Variants in DYTN observed in about 807,000 individuals in gnomAD.
DYTN encodes the protein dystrotelin.
In DYTN, 75 loss-of-function variants were observed where a neutral mutation model predicts 69.6. That is an observed-to-expected ratio of 1.08 (90% CI 0.89 to 1.31). The LOEUF is 1.31. Among genes scored for constraint, DYTN ranks in the 50% most tolerant of loss-of-function variants. The pLI is 0.00. For synonymous variants in DYTN, 252 were observed against 249.1 expected (o/e 1.01, Z -0.11); for missense variants, 726 against 688.4 (o/e 1.05, Z -0.61).
chr2:206,694,079 G>C (rs550603763), intron 8 of DYTN, among the ~76,000 whole-genome samples: 1 of 152,224 alleles, frequency 6.6e-6, no homozygotes, highest in Non-Finnish European at 1.5e-5. Flanking sequence ...TGTGGTATTT[G>C]AGGAGGTTGC....
rs924274267 is a variant in DYTN at position 206,704,961 on chromosome 2, A to G, written c.383-18T>C. On this transcript the variant is annotated intron_variant, in intron 4 of 11. Coordinates refer to ENST00000452335, the MANE Select transcript of DYTN (RefSeq NM_001093730.1). ...AAAAAGAGCTAGACATGTAGGAGGAACAATCTTTAAATTGAATACTTGCAA... is the reference window on the plus strand; with the variant it reads ...AAAAAGAGCTAGACATGTAGGAGGAGCAATCTTTAAATTGAATACTTGCAA... 1 of 1,597,090 alleles carries G rather than the reference A, an allele frequency of 6.3e-7. No individual in the cohort carries two copies. Among genetic ancestry groups the G allele is most frequent in the Non-Finnish European group, 8.6e-7 (1 of 1,166,198 alleles).
At chr2:206,716,349 G>A (rs1013073224) in intron 1 of DYTN, among the ~76,000 whole-genome samples, 2 of 152,110 alleles carry the variant, frequency 1.3e-5, no homozygotes, top group African/African-American at 2.4e-5. Context: ...GTGAGAACAT[G>A]CCACAGGCCT....
At chr2:206,697,393 G>A (rs917943488) in intron 7 of DYTN, among the ~76,000 whole-genome samples, 2 of 152,070 alleles carry the variant, frequency 1.3e-5, no homozygotes, top group African/African-American at 4.8e-5. Context: ...TATGGTCTTT[G>A]CACCTTCTCT....
At chr2:206,652,478 T>C (rs769327804) in intron 11 of DYTN, among the ~76,000 whole-genome samples, 4 of 152,200 alleles carry the variant, frequency 2.6e-5, no homozygotes, top group Non-Finnish European at 5.9e-5. Context: ...AAAATTTTGA[T>C]ATGCATAATC....
At chr2:206,654,391 T>A (rs1245188495) in intron 11 of DYTN, among the ~76,000 whole-genome samples, 2 of 152,230 alleles carry the variant, frequency 1.3e-5, no homozygotes, top group Non-Finnish European at 2.9e-5. Context: ...TACTTCCAGT[T>A]AATGAATAGT....
intron 9 of DYTN, chr2:206,679,290 T>A (rs912502743): frequency 1.3e-5 from 2 of 152,202 alleles, no homozygotes; most frequent in African/African-American, 2.4e-5. Context: ...ACCCCCACAA[T>A]AGCAATAAAG....
intron 7 of DYTN, among the ~76,000 whole-genome samples, chr2:206,695,723 A>G (rs1479272607): frequency 6.6e-6 from 1 of 152,108 alleles, no homozygotes; most frequent in Non-Finnish European, 1.5e-5. Context: ...GGAGCTATAC[A>G]TTTTTCCCCT....
chr2:206,679,129 C>A lies in DYTN; in HGVS notation c.981-13100G>T, dbSNP rs549110444. On this transcript the variant is annotated intron_variant, in intron 9 of 11. Coordinates refer to ENST00000452335, the MANE Select transcript of DYTN (RefSeq NM_001093730.1). ...GTTTCCATTGGTCCAGTTGGCCTTA[C>A]ATCTGCTGTTCCTTTAGAACTCTTG... The A allele has an allele frequency of 5.3e-5, 8 of 152,238 alleles. 1 individual carries two copies. The highest frequency in any genetic ancestry group is 1.4e-4 in the African/African-American group (6 of 41,536). The allele number at this position is 152,238 out of a possible 1,614,324, so 9.4% of individuals were successfully genotyped here.
intron 7 of DYTN, among the ~76,000 whole-genome samples, chr2:206,697,767 G>A (rs1699936836): frequency 6.6e-6 from 1 of 152,170 alleles, no homozygotes; most frequent in Non-Finnish European, 1.5e-5. Flanking sequence ...TGCATAAGGG[G>A]AAAGATGGTT....
chr2:206,665,723 G>T, intron 10 of DYTN, 147 bp downstream of exon 10: 3 of 870,154 alleles, frequency 3.4e-6, no homozygotes, highest in Non-Finnish European at 5.1e-6. Context: ...ATATAGCCTG[G>T]ATGAGGAAAT....
At chr2:206,693,075 T>C in intron 9 of DYTN, 100 bp downstream of exon 9, 1 of 1,446,330 alleles carries the variant, frequency 6.9e-7, no homozygotes, top group Non-Finnish European at 9.1e-7. Context: ...CTGCCTTGTC[T>C]AGGATCTTCA....
At chr2:206,670,565 G>C (rs1178383178) in intron 9 of DYTN, 1 of 151,956 alleles carries the variant, frequency 6.6e-6, no homozygotes, top group Non-Finnish European at 1.5e-5. Flanking sequence ...CCATGGTCTA[G>C]AGAAGGAAGA....
chr2:206,684,453 C>T (rs1360960730), intron 9 of DYTN, among the ~76,000 whole-genome samples: 22 of 152,138 alleles, frequency 1.4e-4, no homozygotes, highest in Non-Finnish European at 1.5e-5. Flanking sequence ...CACAGGTGCA[C>T]ACCACCACAC....
chr2:206,702,912 G>A (rs72960704), intron 5 of DYTN, among the ~76,000 whole-genome samples: 19,163 of 152,162 alleles, frequency 0.13, 1,575 homozygotes, highest in East Asian at 0.21. Context: ...TGGCACACCG[G>A]CACAGGCAGA....
At position 206,678,238 on chromosome 2, in the gene DYTN, TGCAAATTAAA is replaced by T. The variant is rs1009135949; in HGVS notation, c.981-12219_981-12210del. 3.2e-4 allele frequency among the ~76,000 whole-genome samples: 48 copies of T among 152,186 alleles called. 1 individual carries two copies. Among genetic ancestry groups the T allele is most frequent in the Admixed American group, 2.7e-3 (42 of 15,276 alleles). On this transcript the variant is annotated intron_variant, in intron 9 of 11. Transcript: ENST00000452335. ...TTCATTTCACTCTGAGTCAGAGAAA[TGCAAATTAAA>T]GCAAATTAAATATATTCCAGTGATA...
At chr2:206,711,782 G>A (rs1292683501) in intron 1 of DYTN, among the ~76,000 whole-genome samples, 2 of 127,814 alleles carry the variant, frequency 1.6e-5, no homozygotes, top group Non-Finnish European at 1.5e-5. Context: ...TCCCCTTCCT[G>A]TGTCCATGTG....
rs766542984 is a variant in DYTN at position 206,663,363 on chromosome 2, A to C, written c.1173T>G (p.Ser391=). 6.2e-7 allele frequency: 1 copy of C among 1,609,352 alleles called. No individual in the cohort carries two copies. Among genetic ancestry groups the C allele is most frequent in the South Asian group, 1.1e-5 (1 of 90,006 alleles). ...CCTTGTTCCCCACATTTTGAAAGGA[A>C]GAAGATGAAGGACCGGGTGGCTGCA... ...ARLQPPGPSS[S]SFQNVGNKVD... The change falls in exon 11 of 12, where the codon TCT becomes TCG. Residue 391 remains serine (S), a synonymous_variant. Coordinates refer to ENST00000452335, the MANE Select transcript of DYTN (RefSeq NM_001093730.1).
intron 9 of DYTN, among the ~76,000 whole-genome samples, chr2:206,679,507 A>G (rs1241577188): frequency 6.6e-6 from 1 of 152,240 alleles, no homozygotes; most frequent in Non-Finnish European, 1.5e-5. Flanking sequence ...GTATGTGTTT[A>G]TCACGTCAAA....
rs190271217 is a variant in DYTN at position 206,681,452 on chromosome 2, A to G, written c.980+11723T>C. Among the ~76,000 whole-genome samples, 472 of 152,272 alleles carry G rather than the reference A, an allele frequency of 3.1e-3. 10 individuals are homozygous for G. Among genetic ancestry groups the G allele is most frequent in the African/African-American group, 0.011 (441 of 41,564 alleles). On this transcript the variant is annotated intron_variant, in intron 9 of 11. Coordinates refer to ENST00000452335, the MANE Select transcript of DYTN (RefSeq NM_001093730.1). ...AGAGAGGGCATCCTTGTCTTGTGCC[A>G]GTTTTCAAAGGGAATGCTTCCAGCT...
Sources: gnomAD v4.1 joint callset for allele counts (sites outside exome capture counted in the v4.1 genomes callset) on GRCh38, gnomAD v4.1.1 for gene constraint, MANE v1.5 for transcripts, NCBI Gene and HGNC (gene_info 2026-07-23, HGNC 2026-07-21) for gene names.